KPNB1: variants seen among roughly 807,000 people sequenced by gnomAD.
The protein encoded by KPNB1 is karyopherin subunit beta 1, also known as importin subunit beta-1.
KPNB1 carries 7 observed loss-of-function variants against 113.0 expected under a neutral mutation model. That is an observed-to-expected ratio of 0.06 (90% CI 0.04 to 0.12). The LOEUF (loss-of-function observed/expected upper bound fraction) is 0.12, where lower values mean the gene tolerates loss of function less well. Among genes scored for constraint, KPNB1 ranks in the 10% least tolerant of loss-of-function variants. KPNB1 has a pLI of 1.00. For synonymous variants in KPNB1, 363 were observed against 378.6 expected, an observed-to-expected ratio of 0.96 and a Z score of 0.48; for missense variants, 400 against 1,054.8, an observed-to-expected ratio of 0.38 and a Z score of 8.60.
intron 3 of KPNB1, among the ~76,000 whole-genome samples, chr17:47,653,245 G>C (rs901388385): frequency 3.3e-5 from 5 of 149,310 alleles, no homozygotes; most frequent in Non-Finnish European, 5.9e-5. Context: ...ATTCCGATTC[G>C]GTACTTCTGG....
intron 12 of KPNB1, among the ~76,000 whole-genome samples, chr17:47,672,306 CA>C (rs35344546): frequency 0.38 from 57,169 of 150,608 alleles, 11,286 homozygotes; most frequent in Admixed American, 0.45. Flanking sequence ...CTGTGCCCAT[CA>C]AAAAAAAAAT....
intron 21 of KPNB1, 112 bp from the exon 22 acceptor site, chr17:47,682,292 G>A (rs1382025751): frequency 1.2e-5 from 9 of 744,982 alleles, no homozygotes; most frequent in Non-Finnish European, 2.0e-5. Context: ...TCCTTGAAAT[G>A]TTGACAAATT....
chr17:47,673,362 TATA>T lies in KPNB1; in HGVS notation c.1696-127_1696-125del, dbSNP rs147134418. 2.2e-3 allele frequency: 1,963 copies of T among 901,786 alleles called. 24 individuals carry two copies. The African/African-American group carries it at 0.03, about 14-fold the overall frequency. The allele number at this position is 901,786 out of a possible 1,614,324, so 55.9% of individuals were successfully genotyped here. A position where few individuals can be genotyped will look rare whatever the true frequency, so the allele number is the denominator to read the frequency against. ...TGGTTTACTCATATATGTGTTACAC[TATA>T]TGTATTATGGGTTTTTTGTTGCTGT... On this transcript the variant is annotated intron_variant, in intron 13 of 21. Coordinates refer to ENST00000290158, the MANE Select transcript of KPNB1 (RefSeq NM_002265.6).
chr17:47,680,762 G>A, intron 21 of KPNB1, 93 bp downstream of exon 21: 2 of 1,306,120 alleles, frequency 1.5e-6, no homozygotes, highest in Non-Finnish European at 2.1e-6. Flanking sequence ...CTGCCTTCTG[G>A]CATTTTTTTT....
At chr17:47,669,461 T>C (rs1356326735) in intron 10 of KPNB1, among the ~76,000 whole-genome samples, 2 of 152,160 alleles carry the variant, frequency 1.3e-5, no homozygotes, top group African/African-American at 4.8e-5. Context: ...ACTAAAAGCA[T>C]TTACACCAAA....
At chr17:47,660,272 GGT>G (rs1370708891) in intron 5 of KPNB1, among the ~76,000 whole-genome samples, 3 of 152,098 alleles carry the variant, frequency 2.0e-5, no homozygotes, top group Admixed American at 6.6e-5. Flanking sequence ...TCATCTAAGG[GGT>G]AGCATTTGTC....
At chr17:47,678,855 G>T (rs1317237865) in intron 19 of KPNB1, among the ~76,000 whole-genome samples, 1 of 152,136 alleles carries the variant, frequency 6.6e-6, no homozygotes, top group Non-Finnish European at 1.5e-5. Flanking sequence ...TGATCCACCC[G>T]CCTTGGTCTC....
At chr17:47,664,864 A>G (rs1238590162) in intron 8 of KPNB1, among the ~76,000 whole-genome samples, 193 bp from the exon 9 acceptor site, 2 of 152,202 alleles carry the variant, frequency 1.3e-5, no homozygotes, top group Admixed American at 1.3e-4. Flanking sequence ...CCTTGGACCT[A>G]TATTATATGG....
chr17:47,652,447 TG>T lies in KPNB1; in HGVS notation c.100-246del, dbSNP rs2143082861. Reference sequence around the variant, plus strand: ...TAAGAATGATCTTGATAGGGAAATCTGTAATTCCTCATTAAGTGCTAGGCTC... The same window carrying T: ...TAAGAATGATCTTGATAGGGAAATCTTAATTCCTCATTAAGTGCTAGGCTC... On this transcript the variant is annotated intron_variant, in intron 2 of 21. Coordinates refer to ENST00000290158, the MANE Select transcript of KPNB1 (RefSeq NM_002265.6). Among the ~76,000 whole-genome samples the T allele has an allele frequency of 2.0e-5, 3 of 152,290 alleles. No individual in the cohort carries two copies. The East Asian group carries it at 5.8e-4, about 29-fold the overall frequency.
chr17:47,669,320 G>T (rs545366756), intron 10 of KPNB1, among the ~76,000 whole-genome samples: 40 of 152,170 alleles, frequency 2.6e-4, no homozygotes, highest in African/African-American at 9.2e-4. Context: ...GGTCAGGCTG[G>T]TCTTGAACTC....
chr17:47,667,136 C>T (rs894357477), intron 9 of KPNB1, among the ~76,000 whole-genome samples: 2 of 150,800 alleles, frequency 1.3e-5, no homozygotes, highest in African/African-American at 4.9e-5. Context: ...TTTGGGGTGG[C>T]GTTGGGGGGT....
chr17:47,676,383 T>C (rs1340154282), intron 15 of KPNB1, 26 bp from the exon 16 acceptor site: 2 of 1,555,536 alleles, frequency 1.3e-6, no homozygotes, highest in East Asian at 4.5e-5. Context: ...GGTGCTGTCA[T>C]TGGCTAATAG....
rs1416387740 is a variant in KPNB1 at position 47,673,574 on chromosome 17, C to T, written c.1767+13C>T. 3.1e-6 allele frequency: 5 copies of T among 1,590,246 alleles called. No homozygotes were observed. On this transcript the variant is annotated intron_variant, in intron 14 of 21. Transcript: ENST00000290158. The stretch of plus-strand genomic sequence containing the variant: ...TGCAACTCTTCAGGTATGGTGGTGC[C>T]TTATGACTTAATAACTCCAGGTTGG...
At chr17:47,653,271 A>ATTTTTTTTTTT (rs3067142) in intron 3 of KPNB1, among the ~76,000 whole-genome samples, 4 of 109,866 alleles carry the variant, frequency 3.6e-5, no homozygotes, top group East Asian at 2.5e-4. Flanking sequence ...AGCTCAGGGA[A>ATTTTTTTTTTT]TTTTTTTTTT....
chr17:47,672,259 T>C lies in KPNB1; in HGVS notation c.1548-759T>C, dbSNP rs1011522192. On this transcript the variant is annotated intron_variant, in intron 12 of 21. Coordinates refer to ENST00000290158, the MANE Select transcript of KPNB1 (RefSeq NM_002265.6). ...GACACCTCAGGTGATCTGCCCACCTTGGCCTCCCAAAGTGCTGGGATTGTA... is the reference window on the plus strand; with the variant it reads ...GACACCTCAGGTGATCTGCCCACCTCGGCCTCCCAAAGTGCTGGGATTGTA... 7.2e-5 allele frequency among the ~76,000 whole-genome samples: 11 copies of C among 152,152 alleles called. No homozygotes were observed. In the East Asian group the frequency reaches 7.7e-4, roughly 11 times the overall value.
chr17:47,664,919 C>A, intron 8 of KPNB1, 138 bp from the exon 9 acceptor site: 2 of 671,596 alleles, frequency 3.0e-6, no homozygotes, highest in Non-Finnish European at 2.6e-6. Context: ...TAGCACTTTC[C>A]AAGATCACAT....
At chr17:47,672,788 G>T (rs1397980609) in intron 12 of KPNB1, among the ~76,000 whole-genome samples, 1 of 152,028 alleles carries the variant, frequency 6.6e-6, no homozygotes, top group Non-Finnish European at 1.5e-5. Context: ...TATAATTTTA[G>T]CCCATTTCCA....
intron 13 of KPNB1, 90 bp downstream of exon 13, chr17:47,673,255 A>G (rs901810726): frequency 1.4e-5 from 17 of 1,244,496 alleles, no homozygotes; most frequent in Non-Finnish European, 1.8e-5. Flanking sequence ...CTGTCTTTTT[A>G]GTGTTTAAGT....
At chr17:47,676,968 C>T in intron 16 of KPNB1, 52 bp from the exon 17 acceptor site, 1 of 1,384,822 alleles carries the variant, frequency 7.2e-7, no homozygotes, top group Non-Finnish European at 1.0e-6. Flanking sequence ...TAATATCTTG[C>T]CCCAGCAGGC....
Sources: gnomAD v4.1 joint callset for allele counts (sites outside exome capture counted in the v4.1 genomes callset) on GRCh38, gnomAD v4.1.1 for gene constraint, MANE v1.5 for transcripts, NCBI Gene and HGNC (gene_info 2026-07-23, HGNC 2026-07-21) for gene names.